The following MCTP1 variants were observed in gnomAD, a reference collection of about 807,000 sequenced individuals.
MCTP1 encodes the protein multiple C2 and transmembrane domain-containing protein 1.
MCTP1 carries 69 observed loss-of-function variants against 120.6 expected under a neutral mutation model. The ratio of observed to expected loss-of-function variants is 0.57; its 90% CI spans 0.47 to 0.70. The LOEUF is 0.70. Among genes scored for constraint, MCTP1 ranks in the 30% least tolerant of loss-of-function variants. The pLI is 0.00. For missense variants in MCTP1, 1,203 were observed against 1,248.8 expected (o/e 0.96, Z 0.55); for synonymous variants, 529 against 493.1 (o/e 1.07, Z -0.96).
chr5:94,817,580 G>C (rs1050097346), intron 17 of MCTP1, among the ~76,000 whole-genome samples: 1 of 152,142 alleles, frequency 6.6e-6, no homozygotes, highest in Non-Finnish European at 1.5e-5. Flanking sequence ...TGGTTTCTGA[G>C]GGATTTTTCC....
chr5:95,166,388 G>T (rs1054716490), intron 1 of MCTP1, among the ~76,000 whole-genome samples: 4 of 152,090 alleles, frequency 2.6e-5, no homozygotes, highest in Non-Finnish European at 5.9e-5. Context: ...GCAGGTAAGT[G>T]TATGTTTCAT....
At chr5:95,226,143 C>T (rs950813696) in intron 1 of MCTP1, among the ~76,000 whole-genome samples, 4 of 152,032 alleles carry the variant, frequency 2.6e-5, no homozygotes, top group South Asian at 2.1e-4. Flanking sequence ...CCCCTTCCCA[C>T]CATTTCCTCC....
chr5:94,846,684 T>G (rs1164027796), intron 17 of MCTP1, among the ~76,000 whole-genome samples: 1 of 151,318 alleles, frequency 6.6e-6, no homozygotes, highest in Non-Finnish European at 1.5e-5. Context: ...CTGAAGAGAG[T>G]TGGATTTGAG....
intron 19 of MCTP1, among the ~76,000 whole-genome samples, chr5:94,742,293 G>T (rs1370042081): frequency 3.9e-5 from 6 of 152,132 alleles, no homozygotes; most frequent in Admixed American, 2.6e-4. Flanking sequence ...GGGTATAAGT[G>T]ATCCTCCTGC....
intron 1 of MCTP1, among the ~76,000 whole-genome samples, chr5:95,276,553 A>T (rs926596280): frequency 6.7e-6 from 1 of 148,158 alleles, no homozygotes; most frequent in South Asian, 2.3e-4. Context: ...CACTGCGCCC[A>T]GCCAATATTG....
intron 19 of MCTP1, among the ~76,000 whole-genome samples, chr5:94,767,907 T>G (rs1484164556): frequency 6.6e-6 from 1 of 152,086 alleles, no homozygotes; most frequent in Non-Finnish European, 1.5e-5. Context: ...AAAACAATGC[T>G]AAAATTTGTA....
At chr5:94,984,329 T>G (rs1335333207) in intron 2 of MCTP1, among the ~76,000 whole-genome samples, 2 of 152,118 alleles carry the variant, frequency 1.3e-5, no homozygotes, top group Admixed American at 1.3e-4. Flanking sequence ...GGAATTTGAG[T>G]TGGCAAAGAA....
intron 1 of MCTP1, among the ~76,000 whole-genome samples, chr5:95,226,756 C>T (rs73776323): frequency 1.3e-3 from 200 of 152,018 alleles, no homozygotes; most frequent in African/African-American, 4.2e-3. Flanking sequence ...TCACCAAAAC[C>T]TAACTGGCAT....
intron 18 of MCTP1, among the ~76,000 whole-genome samples, chr5:94,781,655 C>G (rs1437192271): frequency 6.6e-6 from 1 of 152,150 alleles, no homozygotes; most frequent in Non-Finnish European, 1.5e-5. Context: ...AAGCCATAAA[C>G]AAGCCAGTAG....
At chr5:95,204,624 C>A (rs1751423643) in intron 1 of MCTP1, among the ~76,000 whole-genome samples, 1 of 151,974 alleles carries the variant, frequency 6.6e-6, no homozygotes, top group Non-Finnish European at 1.5e-5. Context: ...ATATAGAAAA[C>A]CCTAAGGAAT....
At chr5:94,763,596 T>C (rs913657017) in intron 19 of MCTP1, among the ~76,000 whole-genome samples, 2 of 152,220 alleles carry the variant, frequency 1.3e-5, no homozygotes, top group African/African-American at 4.8e-5. Flanking sequence ...ATTATAATTA[T>C]TGGCCTACCT....
intron 2 of MCTP1, among the ~76,000 whole-genome samples, chr5:95,010,259 G>A (rs372678417): frequency 5.9e-5 from 9 of 151,420 alleles, no homozygotes; most frequent in East Asian, 5.8e-4. Context: ...AATTGATCTC[G>A]AGTCCTATCA....
chr5:94,862,384 T>G (rs1795977559), intron 17 of MCTP1, among the ~76,000 whole-genome samples: 1 of 151,806 alleles, frequency 6.6e-6, no homozygotes, highest in Admixed American at 6.6e-5. Flanking sequence ...TTTGCTGACA[T>G]CTATTAAAAT....
intron 12 of MCTP1, among the ~76,000 whole-genome samples, chr5:94,880,425 TA>T (rs1799814638): frequency 6.6e-6 from 1 of 152,102 alleles, no homozygotes; most frequent in South Asian, 2.1e-4. Context: ...TTTTTATGCT[TA>T]AAAAAATTAA....
At chr5:95,217,726 C>T (rs528363503) in intron 1 of MCTP1, among the ~76,000 whole-genome samples, 34 of 152,194 alleles carry the variant, frequency 2.2e-4, no homozygotes, top group African/African-American at 8.2e-4. Flanking sequence ...TACTAATATA[C>T]CAAATAATAT....
At position 94,924,025 on chromosome 5, in the gene MCTP1, G is replaced by T; in HGVS notation, c.1213-4C>A. On this transcript the variant is annotated splice_region_variant and splice_polypyrimidine_tract_variant and intron_variant, in intron 6 of 22. Transcript: ENST00000515393. ...CCACTTCATTTTCTGAAAGTTCCTA[G>T]AAACAAACAAATATTTAGCTACATT... 6.8e-7 allele frequency: 1 copy of T among 1,471,674 alleles called. No homozygotes were observed. The highest frequency in any genetic ancestry group is 9.1e-7 in the Non-Finnish European group (1 of 1,101,168). The allele number at this position is 1,471,674 out of a possible 1,614,324, so 91.2% of individuals were successfully genotyped here.
At chr5:94,796,491 T>C (rs921779672) in intron 18 of MCTP1, among the ~76,000 whole-genome samples, 3 of 150,682 alleles carry the variant, frequency 2.0e-5, no homozygotes, top group Admixed American at 2.0e-4. Context: ...CTATGCGCTA[T>C]GCAGGAGAGT....
chr5:95,234,052 A>G (rs906492420), intron 1 of MCTP1, among the ~76,000 whole-genome samples: 8 of 152,114 alleles, frequency 5.3e-5, no homozygotes, highest in Non-Finnish European at 1.2e-4. Flanking sequence ...CAAATTTCTA[A>G]TGTCAGAGTA....
intron 1 of MCTP1, among the ~76,000 whole-genome samples, chr5:95,249,923 C>T (rs1355947412): frequency 3.9e-5 from 6 of 152,092 alleles, no homozygotes; most frequent in South Asian, 4.2e-4. Context: ...AAGCAAGCAC[C>T]GCATGCTCTC....
Sources: gnomAD v4.1 joint callset for allele counts (sites outside exome capture counted in the v4.1 genomes callset) on GRCh38, gnomAD v4.1.1 for gene constraint, MANE v1.5 for transcripts, NCBI Gene and HGNC (gene_info 2026-07-23, HGNC 2026-07-21) for gene names.